The following TGFBR2 variants were observed in gnomAD, a reference collection of about 807,000 sequenced individuals.
TGFBR2 encodes TGF-beta receptor type-2.
In TGFBR2, 18 loss-of-function variants were observed where a neutral mutation model predicts 49.0. That is an observed-to-expected ratio of 0.37 (90% confidence interval 0.25 to 0.54). TGFBR2 has a LOEUF of 0.54. Ranked by LOEUF, TGFBR2 falls within the 20% of genes least tolerant of loss-of-function variation. TGFBR2 has a pLI of 0.85. For missense variants in TGFBR2, 525 were observed against 722.6 expected (o/e 0.73, Z 3.13); for synonymous variants, 282 against 275.9 (o/e 1.02, Z -0.22).
At chr3:30,691,358 C>A in intron 6 of TGFBR2, 62 bp from the exon 7 acceptor site, 1 of 1,586,022 alleles carries the variant, frequency 6.3e-7, no homozygotes, top group Non-Finnish European at 8.6e-7. Context: ...GTCAGCAGGC[C>A]ACCTTGCCTT....
intron 1 of TGFBR2, among the ~76,000 whole-genome samples, chr3:30,613,768 G>T (rs1698077297): frequency 6.6e-6 from 1 of 152,174 alleles, no homozygotes; most frequent in Non-Finnish European, 1.5e-5. Context: ...AGATATATTT[G>T]TCAGTCTAGG....
intron 3 of TGFBR2, among the ~76,000 whole-genome samples, chr3:30,657,119 T>C (rs1287740587): frequency 6.6e-6 from 1 of 152,216 alleles, no homozygotes; most frequent in Non-Finnish European, 1.5e-5. Flanking sequence ...TGTTCCTCAC[T>C]TTTTGTCCGT....
intron 3 of TGFBR2, among the ~76,000 whole-genome samples, chr3:30,662,990 ACT>A (rs370134142): frequency 2.0e-4 from 31 of 152,254 alleles, no homozygotes; most frequent in African/African-American, 7.5e-4. Flanking sequence ...CAGCGCTAAG[ACT>A]CTGCATTTCC....
At chr3:30,671,355 T>G (rs987455721) in intron 3 of TGFBR2, among the ~76,000 whole-genome samples, 1 of 152,148 alleles carries the variant, frequency 6.6e-6, no homozygotes, top group Non-Finnish European at 1.5e-5. Context: ...GCTATGAAAA[T>G]GTATAAAATA....
At chr3:30,633,759 C>G (rs1248264875) in intron 1 of TGFBR2, among the ~76,000 whole-genome samples, 2 of 152,116 alleles carry the variant, frequency 1.3e-5, no homozygotes, top group African/African-American at 4.8e-5. Flanking sequence ...CATGTGAAAT[C>G]TCTGAATTTT....
intron 1 of TGFBR2, among the ~76,000 whole-genome samples, chr3:30,616,926 A>G (rs570936742): frequency 4.1e-4 from 62 of 152,272 alleles, no homozygotes; most frequent in African/African-American, 1.5e-3. Context: ...TTTGGTGGTA[A>G]TATTATTCCT....
chr3:30,629,434 C>T (rs1242992514), intron 1 of TGFBR2, among the ~76,000 whole-genome samples: 1 of 152,200 alleles, frequency 6.6e-6, no homozygotes, highest in Non-Finnish European at 1.5e-5. Flanking sequence ...AACTGACTTC[C>T]TTTTATTGCT....
chr3:30,606,483 G>A (rs1697919389), upstream of TGFBR2: 1 of 244,212 alleles, frequency 4.1e-6, no homozygotes, highest in South Asian at 1.8e-4. Context: ...CTACGAGAGA[G>A]CTAGGGGCTG....
Position 30,691,909 on chromosome 3 carries a change from T to TTA in TGFBR2, c.*328_*329dup, listed in dbSNP as rs4016180. On this transcript the variant is annotated 3_prime_UTR_variant, in exon 7 of 7. Coordinates refer to ENST00000295754, the MANE Select transcript of TGFBR2 (RefSeq NM_003242.6). Reference sequence around the variant, plus strand: ...GTATATAAATATGAATAGCTATGTTTTATATATATATATATATATCTATAT... The same window carrying TTA: ...GTATATAAATATGAATAGCTATGTTTTATATATATATATATATATATCTATAT... 12,222 of 246,274 alleles carry TTA rather than the reference T, an allele frequency of 0.05. 1,099 individuals are homozygous for TTA. The highest frequency in any genetic ancestry group is 0.22 in the African/African-American group (9,741 of 43,862). 15.3% of individuals were successfully genotyped at this position (246,274 alleles called of 1,614,324 possible). A position where few individuals can be genotyped will look rare whatever the true frequency, so the allele number is the denominator to read the frequency against.
chr3:30,620,983 G>C (rs1240280209), intron 1 of TGFBR2, among the ~76,000 whole-genome samples: 1 of 152,152 alleles, frequency 6.6e-6, no homozygotes, highest in Non-Finnish European at 1.5e-5. Context: ...TGCTTAATAG[G>C]AGTGGGTTTC....
At chr3:30,662,324 T>A (rs1356050751) in intron 3 of TGFBR2, among the ~76,000 whole-genome samples, 3 of 152,196 alleles carry the variant, frequency 2.0e-5, no homozygotes, top group African/African-American at 4.8e-5. Flanking sequence ...CTCTCATGGG[T>A]ATTCTAGAAA....
intron 3 of TGFBR2, among the ~76,000 whole-genome samples, chr3:30,651,151 TAAG>T (rs752929764): frequency 6.6e-6 from 1 of 152,196 alleles, no homozygotes; most frequent in Non-Finnish European, 1.5e-5. Context: ...CAATTTTTAA[TAAG>T]AAGAGAATTC....
intron 5 of TGFBR2, 124 bp from the exon 6 acceptor site, chr3:30,688,260 G>C (rs1699657504): frequency 4.7e-6 from 6 of 1,271,072 alleles, no homozygotes; most frequent in Middle Eastern, 2.5e-4. Flanking sequence ...TGCTCTTAGA[G>C]TAATTACGTA....
At chr3:30,641,357 G>A (rs964217243) in intron 1 of TGFBR2, among the ~76,000 whole-genome samples, 1 of 152,144 alleles carries the variant, frequency 6.6e-6, no homozygotes, top group Middle Eastern at 3.2e-3. Flanking sequence ...AAAAGGACCT[G>A]AGGACCTATA....
chr3:30,627,983 C>G (rs1321421559), intron 1 of TGFBR2, among the ~76,000 whole-genome samples: 1 of 152,012 alleles, frequency 6.6e-6, no homozygotes, highest in African/African-American at 2.4e-5. Flanking sequence ...TTGTACTTTT[C>G]CATTCCTGTG....
intron 5 of TGFBR2, among the ~76,000 whole-genome samples, chr3:30,678,872 C>T (rs1458266621): frequency 1.3e-5 from 2 of 152,178 alleles, no homozygotes; most frequent in African/African-American, 4.8e-5. Flanking sequence ...GTTAACATTA[C>T]AGTACTCACT....
chr3:30,668,648 G>T lies in TGFBR2; in HGVS notation c.455-2990G>T, dbSNP rs76248649. On this transcript the variant is annotated intron_variant, in intron 3 of 6. Coordinates refer to ENST00000295754, the MANE Select transcript of TGFBR2 (RefSeq NM_003242.6). Reference sequence around the variant, plus strand: ...CCCACCCCATTTCTGCCCTACTCTTGCCTGTTCTTTGTCCCAATCCAAGCC... The same window carrying T: ...CCCACCCCATTTCTGCCCTACTCTTTCCTGTTCTTTGTCCCAATCCAAGCC... Among the ~76,000 whole-genome samples the T allele has an allele frequency of 4.8e-3, 723 of 151,778 alleles. 2 individuals are homozygous for T. The highest frequency in any genetic ancestry group is 0.017 in the Middle Eastern group (5 of 294).
intron 2 of TGFBR2, among the ~76,000 whole-genome samples, chr3:30,648,143 G>T (rs1213081350): frequency 6.6e-6 from 1 of 152,146 alleles, no homozygotes; most frequent in Non-Finnish European, 1.5e-5. Context: ...AAAGTTAGCT[G>T]TGCCTGGCTG....
At chr3:30,690,641 T>C (rs531954505) in intron 6 of TGFBR2, among the ~76,000 whole-genome samples, 1 of 152,156 alleles carries the variant, frequency 6.6e-6, no homozygotes, top group East Asian at 1.9e-4. Context: ...AATAGAACAG[T>C]GTATATGACC....
Sources: allele counts gnomAD v4.1 joint callset (sites outside exome capture counted in the v4.1 genomes callset), GRCh38; gene constraint gnomAD v4.1.1; transcripts MANE v1.5; gene names NCBI Gene and HGNC (gene_info 2026-07-23, HGNC 2026-07-21).